Variants in SEMA3E observed in about 807,000 individuals in gnomAD.
SEMA3E encodes semaphorin-3E.
SEMA3E carries 49 observed loss-of-function variants against 93.6 expected under a neutral mutation model. The observed-to-expected ratio is 0.52, with a 90% CI of 0.42 to 0.66. The LOEUF (loss-of-function observed/expected upper bound fraction) is 0.66. SEMA3E is among the 30% of genes least tolerant of loss of function. The pLI is 0.00. For missense variants in SEMA3E, 906 were observed against 964.8 expected (o/e 0.94, Z 0.81); for synonymous variants, 363 against 330.7 (o/e 1.10, Z -1.06).
chr7:83,399,225 A>C (rs1344541346), intron 11 of SEMA3E, among the ~76,000 whole-genome samples: 1 of 152,202 alleles, frequency 6.6e-6, no homozygotes, highest in Non-Finnish European at 1.5e-5. Flanking sequence ...ACACTTTAAA[A>C]ATGACTAGGA....
At chr7:83,628,213 G>C (rs747159412) in intron 1 of SEMA3E, among the ~76,000 whole-genome samples, 1 of 152,038 alleles carries the variant, frequency 6.6e-6, no homozygotes, top group Non-Finnish European at 1.5e-5. Context: ...TCCCTTTGTG[G>C]GTAACCTGAC....
chr7:83,394,623 G>A (rs566262578), intron 12 of SEMA3E, among the ~76,000 whole-genome samples: 2 of 152,184 alleles, frequency 1.3e-5, no homozygotes, highest in South Asian at 2.1e-4. Context: ...TATTACTTGC[G>A]CTTTGGAAAC....
At chr7:83,638,232 A>T (rs1793919932) in intron 1 of SEMA3E, among the ~76,000 whole-genome samples, 1 of 152,208 alleles carries the variant, frequency 6.6e-6, no homozygotes, top group Non-Finnish European at 1.5e-5. Flanking sequence ...GAGGTCATTC[A>T]TAACAATATT....
chr7:83,520,113 C>G (rs997187318), intron 1 of SEMA3E, among the ~76,000 whole-genome samples: 1 of 152,148 alleles, frequency 6.6e-6, no homozygotes, highest in East Asian at 1.9e-4. Context: ...TTCTTTCATG[C>G]AATTTTTGAT....
At chr7:83,564,135 G>A (rs1792092966) in intron 1 of SEMA3E, among the ~76,000 whole-genome samples, 1 of 152,076 alleles carries the variant, frequency 6.6e-6, no homozygotes, top group African/African-American at 2.4e-5. Flanking sequence ...TCTCTAAAAA[G>A]CCATTATTTT....
chr7:83,440,385 A>G (rs568160851), intron 4 of SEMA3E, among the ~76,000 whole-genome samples: 1 of 152,282 alleles, frequency 6.6e-6, no homozygotes, highest in African/African-American at 2.4e-5. Flanking sequence ...GAACCTACCA[A>G]TTGGCTAAGA....
At chr7:83,437,909 C>T (rs1185385833) in intron 4 of SEMA3E, among the ~76,000 whole-genome samples, 1 of 152,100 alleles carries the variant, frequency 6.6e-6, no homozygotes, top group Non-Finnish European at 1.5e-5. Flanking sequence ...GACAGGACAA[C>T]TTGTTCATAA....
intron 4 of SEMA3E, among the ~76,000 whole-genome samples, chr7:83,423,264 C>CAT (rs566288876): frequency 1.2e-3 from 178 of 152,148 alleles, no homozygotes; most frequent in African/African-American, 4.2e-3. Flanking sequence ...TGACAATGAG[C>CAT]ATACTTGAGC....
intron 1 of SEMA3E, 44 bp downstream of exon 1, chr7:83,648,384 T>TTTTTC: frequency 3.6e-5 from 7 of 193,898 alleles, no homozygotes; most frequent in Non-Finnish European, 6.0e-5. Context: ...TTTCTTTTTC[T>TTTTTC]TTTTTTTTTT....
intron 1 of SEMA3E, among the ~76,000 whole-genome samples, chr7:83,558,802 T>C (rs1584330365): frequency 6.6e-6 from 1 of 152,084 alleles, no homozygotes; most frequent in South Asian, 2.1e-4. Context: ...TAGTGTGTCA[T>C]GTCACTACAA....
Position 83,481,781 on chromosome 7 carries a change from CAAT to C in SEMA3E, c.276+8330_276+8332del, listed in dbSNP as rs1386949456. Among the ~76,000 whole-genome samples the C allele has an allele frequency of 4.6e-5, 7 of 152,206 alleles. No homozygotes were observed. The East Asian group carries it at 1.4e-3, about 29-fold the overall frequency. On this transcript the variant is annotated intron_variant, in intron 2 of 16. Coordinates refer to ENST00000643230, the MANE Select transcript of SEMA3E (RefSeq NM_012431.3). ...ATTATCTAAAAACACTAATACAATA[CAAT>C]AAGTTTATTAAATTACAGATTCTTA...
At chr7:83,399,978 G>T in intron 11 of SEMA3E, 50 bp downstream of exon 11, 1 of 1,360,804 alleles carries the variant, frequency 7.3e-7, no homozygotes, top group Non-Finnish European at 1.1e-6. Context: ...TAAAATTATT[G>T]AATTTAAGGG....
At chr7:83,509,813 G>A (rs967778086) in intron 1 of SEMA3E, among the ~76,000 whole-genome samples, 2 of 152,174 alleles carry the variant, frequency 1.3e-5, no homozygotes, top group African/African-American at 4.8e-5. Context: ...AACTTCTGCT[G>A]TAGAATGTTT....
intron 4 of SEMA3E, among the ~76,000 whole-genome samples, chr7:83,445,040 T>C (rs189482986): frequency 7.5e-4 from 114 of 152,214 alleles, no homozygotes; most frequent in African/African-American, 2.6e-3. Context: ...ATTTGAAAAT[T>C]ACTAACACTG....
intron 4 of SEMA3E, among the ~76,000 whole-genome samples, chr7:83,451,434 T>C (rs1384256882): frequency 1.3e-5 from 2 of 152,124 alleles, no homozygotes; most frequent in African/African-American, 4.8e-5. Context: ...AATCTTGGAG[T>C]TTTACATCAA....
chr7:83,387,216 T>G (rs530425632), intron 14 of SEMA3E, among the ~76,000 whole-genome samples, 166 bp from the exon 15 acceptor site: 1 of 152,312 alleles, frequency 6.6e-6, no homozygotes, highest in Admixed American at 6.5e-5. Context: ...ATATTTCCAT[T>G]ATATGTTCTT....
chr7:83,593,260 G>GTCTCTCTCTCTC (rs1186592715), intron 1 of SEMA3E, among the ~76,000 whole-genome samples: 3 of 96,336 alleles, frequency 3.1e-5, no homozygotes, highest in Admixed American at 1.1e-4. Context: ...CTCTCTCTCT[G>GTCTCTCTCTCTC]TCTCTCTCTC....
At chr7:83,537,153 A>G (rs1237260919) in intron 1 of SEMA3E, among the ~76,000 whole-genome samples, 1 of 152,132 alleles carries the variant, frequency 6.6e-6, no homozygotes. Flanking sequence ...AGCCCTTTCC[A>G]GAAACAGAAT....
At chr7:83,583,911 C>T (rs1792566074) in intron 1 of SEMA3E, among the ~76,000 whole-genome samples, 1 of 152,132 alleles carries the variant, frequency 6.6e-6, no homozygotes, top group Admixed American at 6.6e-5. Context: ...TTAGGATAGG[C>T]ATTGGGAAAT....
Sources: allele counts gnomAD v4.1 joint callset (sites outside exome capture counted in the v4.1 genomes callset), GRCh38; gene constraint gnomAD v4.1.1; transcripts MANE v1.5; gene names NCBI Gene and HGNC (gene_info 2026-07-23, HGNC 2026-07-21).